RNF44: variants seen among roughly 807,000 people sequenced by gnomAD.
The protein encoded by RNF44 is ring finger protein 44.
Under a neutral mutation model 53.6 loss-of-function variants are expected in RNF44, and 25 were observed. That is an observed-to-expected ratio of 0.47 (90% CI 0.34 to 0.65). The LOEUF (loss-of-function observed/expected upper bound fraction) is 0.65. Among genes scored for constraint, RNF44 ranks in the 30% least tolerant of loss-of-function variants. RNF44 has a pLI of 0.01. For missense variants in RNF44, 581 were observed against 595.5 expected (o/e 0.98, Z 0.25); for synonymous variants, 282 against 252.2 (o/e 1.12, Z -1.12).
At position 176,527,409 on chromosome 5, in the gene RNF44, T is replaced by G. The variant is rs1004166346; in HGVS notation, c.*1619A>C. 6.6e-6 allele frequency: 1 copy of G among 152,490 alleles called. No individual in the cohort carries two copies. Among genetic ancestry groups the G allele is most frequent in the African/African-American group, 2.4e-5 (1 of 41,392 alleles). 9.4% of individuals were successfully genotyped at this position (152,490 alleles called of 1,614,324 possible). On this transcript the variant is annotated 3_prime_UTR_variant, in exon 11 of 11. Transcript: ENST00000274811. Reference sequence around the variant, plus strand: ...CTGTTTCCGCCTGCCCCAGGAACTGTAAGGGGTTTGAAAACGTTTTGTTGG... The same window carrying G: ...CTGTTTCCGCCTGCCCCAGGAACTGGAAGGGGTTTGAAAACGTTTTGTTGG...
intron 1 of RNF44, among the ~76,000 whole-genome samples, chr5:176,535,821 C>G (rs1382899552): frequency 6.6e-6 from 1 of 152,210 alleles, no homozygotes; most frequent in Non-Finnish European, 1.5e-5. Flanking sequence ...ACTGCTCTGC[C>G]CGTCCACATC....
In RNF44 at chr5:176,526,891, G is replaced by A. The variant is rs771941954; in HGVS notation, c.*2137C>T. 1 of 152,376 alleles carries A rather than the reference G, an allele frequency of 6.6e-6. No homozygotes were observed. Among genetic ancestry groups the A allele is most frequent in the South Asian group, 2.1e-4 (1 of 4,822 alleles). 9.4% of individuals were successfully genotyped at this position (152,376 alleles called of 1,614,324 possible). ...ATATATAATACAACATACTAGTTAT[G>A]TTAAATGCTACAAACCAATGTGAAT... On this transcript the variant is annotated 3_prime_UTR_variant, in exon 11 of 11. Transcript: ENST00000274811.
At position 176,531,569 on chromosome 5, in the gene RNF44, G is replaced by A. The variant is rs779555202; in HGVS notation, c.359C>T (p.Pro120Leu). ...AGGGATGTGCTGGCCTGTAGGCAAG[G>A]GGAAGCCTTGGGTCGTCACTGTGGT... The part of the protein sequence containing the change: ...TVTTVTTQGF[P>L]LPTGQHIPGC... Residue 120 changes from proline to leucine, a missense_variant, in exon 4 of 11, where the codon CCC becomes CTC. Pro to Leu is a moderately conservative substitution (Grantham distance 98). Coordinates refer to ENST00000274811, the MANE Select transcript of RNF44 (RefSeq NM_014901.5). The surrounding 1 kb of genome is among the most constrained non-coding windows in gnomAD (Gnocchi z 4.2). 3.1e-6 allele frequency: 5 copies of A among 1,613,444 alleles called. No homozygotes were observed. The Admixed American group carries it at 6.7e-5, about 22-fold the overall frequency.
In RNF44 at chr5:176,530,945, T is replaced by C. The variant is rs375295924; in HGVS notation, c.542A>G (p.Tyr181Cys). 6.9e-7 allele frequency: 1 copy of C among 1,453,834 alleles called. No individual in the cohort carries two copies. Among genetic ancestry groups the C allele is most frequent in the Non-Finnish European group, 9.1e-7 (1 of 1,103,116 alleles). 90.1% of individuals were successfully genotyped at this position (1,453,834 alleles called of 1,614,324 possible). ...AYPHLISSDH[Y>C]ILHPPPPAPP... ...GGCCGGTGGTGGGGGGTGCAGGATG[T>C]AGTGGTCACTGGAGATGAGGTGGGG... The change falls in exon 5 of 11, where the codon TAC becomes TGC. Residue 181 changes from tyrosine (Y) to cysteine (C), a missense_variant. Transcript: ENST00000274811.
At position 176,531,104 on chromosome 5, in the gene RNF44, C is replaced by T. The variant is rs1203530817; in HGVS notation, c.466-83G>A. On this transcript the variant is annotated intron_variant, in intron 4 of 10. Coordinates refer to ENST00000274811, the MANE Select transcript of RNF44 (RefSeq NM_014901.5). This position sits in a 1 kb window ranked among gnomAD's most constrained non-coding sequence, Gnocchi z 4.2. ...ACGCCATGCCACCCAGCAAAAGGCC[C>T]CCACCGGGCACACACCCAGCAGCTC... 1.1e-5 allele frequency: 11 copies of T among 1,031,166 alleles called. No homozygotes were observed. The East Asian group carries it at 2.6e-4, about 25-fold the overall frequency. The allele number at this position is 1,031,166 out of a possible 1,614,324, so 63.9% of individuals were successfully genotyped here.
At chr5:176,535,019 G>T (rs561342764) in intron 1 of RNF44, among the ~76,000 whole-genome samples, 7 of 152,288 alleles carry the variant, frequency 4.6e-5, no homozygotes, top group African/African-American at 1.7e-4. Context: ...CCCTACAAAG[G>T]CACCCACTCC....
At chr5:176,534,174 T>C (rs1756960695) in intron 1 of RNF44, among the ~76,000 whole-genome samples, 1 of 152,198 alleles carries the variant, frequency 6.6e-6, no homozygotes, top group South Asian at 2.1e-4. Flanking sequence ...GCAGGCCTGA[T>C]GTGAGAAATG....
rs1196719668 is a variant in RNF44, at chr5:176,537,386, T to TAGCCCGCTGCA, written c.-502_-492dup. ...CGCGCCGGGAGGCTCCGGCAAACAG[T>TAGCCCGCTGCA]AGCCCGCTGCAAGCCCGCAGGGGCC... On this transcript the variant is annotated 5_prime_UTR_variant, in exon 1 of 11. Coordinates refer to ENST00000274811, the MANE Select transcript of RNF44 (RefSeq NM_014901.5). 2 of 152,046 alleles carry TAGCCCGCTGCA rather than the reference T, an allele frequency of 1.3e-5. No homozygotes were observed. The highest frequency in any genetic ancestry group is 4.8e-5 in the African/African-American group (2 of 41,402). 9.4% of individuals were successfully genotyped at this position (152,046 alleles called of 1,614,324 possible).
chr5:176,543,161 C>A, the RNF44 span, among the ~76,000 whole-genome samples: 6 of 150,564 alleles, frequency 4.0e-5, no homozygotes, highest in African/African-American at 1.5e-4. This position sits in a 1 kb window ranked among gnomAD's most constrained non-coding sequence, Gnocchi z 4.0. Context: ...GGGAAGACCC[C>A]GCGTGCGTTC....
Position 176,531,811 on chromosome 5 carries a change from T to C in RNF44, c.298-181A>G. ...GGCCCCCGGGGCAGAGAAAGCCCCG[T>C]GGGAATCTAGCTCTGCTAGTCACCC... On this transcript the variant is annotated intron_variant, in intron 3 of 10. Transcript: ENST00000274811. The surrounding 1 kb of genome is among the most constrained non-coding windows in gnomAD (Gnocchi z 4.2). 4 of 861,298 alleles carry C rather than the reference T, an allele frequency of 4.6e-6. No homozygotes were observed. Among genetic ancestry groups the C allele is most frequent in the Non-Finnish European group, 5.3e-6 (3 of 570,120 alleles). The allele number at this position is 861,298 out of a possible 1,614,324, so 53.4% of individuals were successfully genotyped here.
At chr5:176,539,716 A>G (rs761009777), upstream of RNF44, among the ~76,000 whole-genome samples, 8 of 150,888 alleles carry the variant, frequency 5.3e-5, no homozygotes, top group Non-Finnish European at 1.2e-4. Context: ...CCCACATTTG[A>G]AGGTACCTAC....
intron 2 of RNF44, 26 bp from the exon 3 acceptor site, chr5:176,532,219 T>C: frequency 2.7e-6 from 4 of 1,491,596 alleles, no homozygotes; most frequent in South Asian, 2.7e-5. Flanking sequence ...GAGGCCCCGA[T>C]AGGACTGAGG....
intron 1 of RNF44, 139 bp from the exon 2 acceptor site, chr5:176,532,655 A>G: frequency 1.6e-6 from 1 of 609,668 alleles, no homozygotes; most frequent in Non-Finnish European, 2.6e-6. Context: ...AGGCATGAGA[A>G]TCGCTTGAAC....
rs940614499 is a variant in RNF44, at chr5:176,527,940, GGAGAAAT to G, written c.*1081_*1087del. The G allele has an allele frequency of 7.9e-5, 12 of 152,636 alleles. No individual in the cohort carries two copies. The highest frequency in any genetic ancestry group is 2.9e-4 in the African/African-American group (12 of 41,410). The allele number at this position is 152,636 out of a possible 1,614,324, so 9.5% of individuals were successfully genotyped here. A position where few individuals can be genotyped will look rare whatever the true frequency, so the allele number is the denominator to read the frequency against. Reference sequence around the variant, plus strand: ...GGTGGGAGTTGGGCCCTGGCTGGAGGGAGAAATGCCCTGAAAAGCGTCGGGTCCCGGT... The same window carrying G: ...GGTGGGAGTTGGGCCCTGGCTGGAGGGCCCTGAAAAGCGTCGGGTCCCGGT... On this transcript the variant is annotated 3_prime_UTR_variant, in exon 11 of 11. Coordinates refer to ENST00000274811, the MANE Select transcript of RNF44 (RefSeq NM_014901.5).
At chr5:176,535,822 C>T (rs1176453724) in intron 1 of RNF44, among the ~76,000 whole-genome samples, 1 of 152,178 alleles carries the variant, frequency 6.6e-6, no homozygotes, top group African/African-American at 2.4e-5. Context: ...CTGCTCTGCC[C>T]GTCCACATCT....
chr5:176,532,763 A>AGAAAG (rs1554138175), intron 1 of RNF44, among the ~76,000 whole-genome samples: 1 of 141,888 alleles, frequency 7.0e-6, no homozygotes, highest in Non-Finnish European at 1.5e-5. Context: ...AAAAAAAAAA[A>AGAAAG]AAAGAAAGAA....
chr5:176,540,872 A>G (rs1757431498), upstream of RNF44, among the ~76,000 whole-genome samples: 1 of 152,246 alleles, frequency 6.6e-6, no homozygotes, highest in Admixed American at 6.5e-5. Flanking sequence ...AGGGAGGCAC[A>G]ATTTTCCCAG....
At chr5:176,529,997 C>A (rs189077383) in intron 7 of RNF44, 85 bp downstream of exon 7, 33,816 of 1,469,936 alleles carry the variant, frequency 0.023, 551 homozygotes, top group Non-Finnish European at 0.024. Context: ...GCCCTGGGGC[C>A]CCTGGAGCTG....
Position 176,528,113 on chromosome 5 carries a change from C to G in RNF44, c.*915G>C, listed in dbSNP as rs1756198956. 6.6e-6 allele frequency: 1 copy of G among 152,466 alleles called. No homozygotes were observed. Among genetic ancestry groups the G allele is most frequent in the Non-Finnish European group, 1.5e-5 (1 of 68,038 alleles). 9.4% of individuals were successfully genotyped at this position (152,466 alleles called of 1,614,324 possible). A position where few individuals can be genotyped will look rare whatever the true frequency, so the allele number is the denominator to read the frequency against. On this transcript the variant is annotated 3_prime_UTR_variant, in exon 11 of 11. Transcript: ENST00000274811. ...GGCCGGCCAGCATGACCGTGCTCGGCCCCCTGGGCACTCGGTCCCAGTTGG... is the reference window on the plus strand; with the variant it reads ...GGCCGGCCAGCATGACCGTGCTCGGGCCCCTGGGCACTCGGTCCCAGTTGG...
Sources: allele counts gnomAD v4.1 joint callset (sites outside exome capture counted in the v4.1 genomes callset), GRCh38; gene constraint gnomAD v4.1.1; non-coding constraint Gnocchi (gnomAD v3.1); transcripts MANE v1.5; gene names NCBI Gene and HGNC (gene_info 2026-07-23, HGNC 2026-07-21).